Variants in SLC16A2 observed in about 807,000 individuals in gnomAD.
SLC16A2 encodes monocarboxylate transporter 8.
In SLC16A2, 3 loss-of-function variants were observed where a neutral mutation model predicts 27.2. The ratio of observed to expected loss-of-function variants is 0.11; its 90% CI spans 0.05 to 0.28. The LOEUF (loss-of-function observed/expected upper bound fraction) is 0.28. Ranked by LOEUF, SLC16A2 falls within the 10% of genes least tolerant of loss-of-function variation. The probability of loss-of-function intolerance (pLI) is 1.00; values close to 1 mark genes in which losing one functional copy is unlikely to be tolerated. For missense variants in SLC16A2, 295 were observed against 458.5 expected, an observed-to-expected ratio of 0.64 and a Z score of 3.26; for synonymous variants, 202 against 187.8, an observed-to-expected ratio of 1.08 and a Z score of -0.62.
intron 1 of SLC16A2, among the ~76,000 whole-genome samples, chrX:74,487,383 G>A (rs1929740914): frequency 9.0e-6 from 1 of 111,360 alleles, no homozygotes; most frequent in Non-Finnish European, 1.9e-5. Context: ...CATCTGGGGT[G>A]CTCTACTTGG....
intron 1 of SLC16A2, among the ~76,000 whole-genome samples, chrX:74,502,778 T>A (rs1160715115): frequency 1.8e-5 from 2 of 111,335 alleles, no homozygotes; most frequent in Non-Finnish European, 3.8e-5. Flanking sequence ...CCCTGACAAT[T>A]GACAATAGTA....
chrX:74,449,063 GATGGCTGTGGAAGGC>G (rs1273925525), intron 1 of SLC16A2, among the ~76,000 whole-genome samples: 1 of 111,384 alleles, frequency 9.0e-6, no homozygotes, highest in Non-Finnish European at 1.9e-5. Flanking sequence ...AGAATAAAAA[GATGGCTGTGGAAGGC>G]AAGGCAGGAC....
At chrX:74,427,003 G>C (rs1451062805) in intron 1 of SLC16A2, among the ~76,000 whole-genome samples, 1 of 112,081 alleles carries the variant, frequency 8.9e-6, no homozygotes, top group Non-Finnish European at 1.9e-5. Flanking sequence ...GTCCTGATTG[G>C]TATAGAGCTG....
At chrX:74,516,161 G>A (rs889383103) in intron 1 of SLC16A2, among the ~76,000 whole-genome samples, 7 of 110,853 alleles carry the variant, frequency 6.3e-5, no homozygotes, top group Admixed American at 1.9e-4. Flanking sequence ...CCTGGGCTCA[G>A]GTGATCCTCC....
chrX:74,441,063 A>ATT (rs60503852), intron 1 of SLC16A2, among the ~76,000 whole-genome samples: 73 of 97,710 alleles, frequency 7.5e-4, no homozygotes, highest in East Asian at 3.3e-3. Context: ...CGCCTCCTGG[A>ATT]TTTTTTTTTT....
chrX:74,513,694 A>G (rs779569635), intron 1 of SLC16A2, among the ~76,000 whole-genome samples: 3 of 111,881 alleles, frequency 2.7e-5, no homozygotes, highest in East Asian at 5.6e-4. Flanking sequence ...CTTCAGTCAC[A>G]ATCTAGCTAT....
chrX:74,459,325 C>T (rs746686469), intron 1 of SLC16A2, among the ~76,000 whole-genome samples: 1 of 73,530 alleles, frequency 1.4e-5, no homozygotes, highest in Non-Finnish European at 2.7e-5. Flanking sequence ...CCAGTGCCCC[C>T]CCAGGGGCTG....
chrX:74,453,526 C>A (rs1928983497), intron 1 of SLC16A2, among the ~76,000 whole-genome samples: 1 of 111,433 alleles, frequency 9.0e-6, no homozygotes, highest in African/African-American at 3.3e-5. Flanking sequence ...CTCAGAAGGT[C>A]ATATTTATTT....
chrX:74,496,270 ACACACG>A (rs1293398045), intron 1 of SLC16A2, among the ~76,000 whole-genome samples: 6 of 39,226 alleles, frequency 1.5e-4, no homozygotes, highest in Non-Finnish European at 3.8e-4. Context: ...ACACACACAC[ACACACG>A]CACACACACA....
At chrX:74,433,362 ACT>A (rs1485806097) in intron 1 of SLC16A2, among the ~76,000 whole-genome samples, 15 of 100,287 alleles carry the variant, frequency 1.5e-4, no homozygotes, top group Non-Finnish European at 2.8e-4. Context: ...ACACAGTGAG[ACT>A]CTGTCTCAAA....
chrX:74,469,977 A>G (rs901912615), intron 1 of SLC16A2, among the ~76,000 whole-genome samples: 1 of 111,678 alleles, frequency 9.0e-6, no homozygotes, highest in Non-Finnish European at 1.9e-5. Flanking sequence ...TGCTTTACCT[A>G]TTCATCTCAC....
At chrX:74,439,088 T>C (rs1207382796) in intron 1 of SLC16A2, among the ~76,000 whole-genome samples, 1 of 111,225 alleles carries the variant, frequency 9.0e-6, no homozygotes, top group Non-Finnish European at 1.9e-5. Flanking sequence ...TCACAGAGCC[T>C]AAATGAAGTT....
intron 1 of SLC16A2, among the ~76,000 whole-genome samples, chrX:74,423,554 C>T (rs959038560): frequency 9.0e-6 from 1 of 111,308 alleles, no homozygotes; most frequent in African/African-American, 3.3e-5. Flanking sequence ...GTGCAGGCCC[C>T]GATGAAGATA....
At chrX:74,484,062 A>G (rs1316485889) in intron 1 of SLC16A2, among the ~76,000 whole-genome samples, 1 of 111,618 alleles carries the variant, frequency 9.0e-6, no homozygotes, top group Non-Finnish European at 1.9e-5. Flanking sequence ...CCCAACTAGA[A>G]TAGAATTTCC....
intron 1 of SLC16A2, among the ~76,000 whole-genome samples, chrX:74,501,429 C>T (rs1393832950): frequency 1.8e-5 from 2 of 111,620 alleles, no homozygotes; most frequent in Admixed American, 9.5e-5. Flanking sequence ...GGGCAGAGGG[C>T]TTACAATCCT....
intron 1 of SLC16A2, among the ~76,000 whole-genome samples, chrX:74,509,110 G>A (rs888819479): frequency 2.7e-5 from 3 of 110,547 alleles, no homozygotes; most frequent in African/African-American, 6.6e-5. Context: ...CTCCAGGTGC[G>A]TGCCACCAGG....
At chrX:74,472,017 A>G (rs1169269639) in intron 1 of SLC16A2, among the ~76,000 whole-genome samples, 1 of 112,150 alleles carries the variant, frequency 8.9e-6, no homozygotes, top group Non-Finnish European at 1.9e-5. Flanking sequence ...ATTTCATTGT[A>G]TATACACACA....
chrX:74,474,406 T>C (rs1256126620), intron 1 of SLC16A2, among the ~76,000 whole-genome samples: 1 of 111,423 alleles, frequency 9.0e-6, no homozygotes, highest in East Asian at 2.8e-4. Flanking sequence ...TCTTTGTATA[T>C]TGATTTTCTA....
intron 1 of SLC16A2, among the ~76,000 whole-genome samples, chrX:74,427,809 GCGCACACACA>G (rs1928434530): frequency 1.4e-5 from 1 of 71,124 alleles, no homozygotes; most frequent in East Asian, 4.4e-3. Context: ...GTGCACGCGC[GCGCACACACA>G]CACACACACA....
Sources: allele counts gnomAD v4.1 joint callset (sites outside exome capture counted in the v4.1 genomes callset), GRCh38; gene constraint gnomAD v4.1.1; transcripts MANE v1.5; gene names NCBI Gene and HGNC (gene_info 2026-07-23, HGNC 2026-07-21).